SHLD1: variants seen among roughly 807,000 people sequenced by gnomAD.
The protein encoded by SHLD1 is RINN1-REV7-interacting novel NHEJ regulator 3.
A neutral mutation model predicts 5.5 loss-of-function variants in SHLD1; 3 were observed. The ratio of observed to expected loss-of-function variants is 0.54; its 90% CI spans 0.25 to 1.40. The LOEUF is 1.40. SHLD1 is among the 40% of genes most tolerant of loss of function. The probability of loss-of-function intolerance (pLI) is 0.15; values close to 1 mark genes in which losing one functional copy is unlikely to be tolerated. For synonymous variants in SHLD1, 92 were observed against 94.3 expected, an observed-to-expected ratio of 0.98 and a Z score of 0.14; for missense variants, 210 against 244.4, an observed-to-expected ratio of 0.86 and a Z score of 0.94.
At chr20:5,773,924 C>A (rs1985305450) in intron 2 of SHLD1, among the ~76,000 whole-genome samples, 1 of 152,110 alleles carries the variant, frequency 6.6e-6, no homozygotes, top group South Asian at 2.1e-4. Flanking sequence ...ATCCAAATGG[C>A]CGGGTGTGGT....
chr20:5,798,559 C>T (rs2087244602), intron 2 of SHLD1, among the ~76,000 whole-genome samples: 1 of 151,100 alleles, frequency 6.6e-6, no homozygotes, highest in Non-Finnish European at 1.5e-5. Flanking sequence ...GCCTCGGCCT[C>T]CCAAAGTGCT....
chr20:5,754,638 G>T (rs1457297023), intron 1 of SHLD1, among the ~76,000 whole-genome samples: 1 of 152,168 alleles, frequency 6.6e-6, no homozygotes, highest in Non-Finnish European at 1.5e-5. Context: ...ATTACAGCTT[G>T]GTTTTATACA....
chr20:5,848,221 T>C (rs903183410), intron 2 of SHLD1, among the ~76,000 whole-genome samples: 4 of 152,186 alleles, frequency 2.6e-5, no homozygotes, highest in Non-Finnish European at 4.4e-5. Context: ...TGTGTGTATG[T>C]GTGTATATAT....
chr20:5,823,712 T>A (rs2087634248), intron 2 of SHLD1, among the ~76,000 whole-genome samples: 1 of 152,120 alleles, frequency 6.6e-6, no homozygotes, highest in Non-Finnish European at 1.5e-5. Flanking sequence ...CCTCCCACAC[T>A]GTTGGGATTA....
At chr20:5,829,937 G>A (rs1032896684) in intron 2 of SHLD1, among the ~76,000 whole-genome samples, 1 of 152,082 alleles carries the variant, frequency 6.6e-6, no homozygotes, top group Non-Finnish European at 1.5e-5. Context: ...AGATGCAATA[G>A]AATGGTTTGG....
chr20:5,809,145 C>T (rs2087423704), intron 2 of SHLD1, among the ~76,000 whole-genome samples: 1 of 152,018 alleles, frequency 6.6e-6, no homozygotes, highest in Non-Finnish European at 1.5e-5. Context: ...AAACCATGCT[C>T]ATAAGTGATG....
intron 2 of SHLD1, among the ~76,000 whole-genome samples, chr20:5,784,513 C>G (rs576428389): frequency 1.2e-4 from 18 of 151,876 alleles, no homozygotes; most frequent in Non-Finnish European, 2.4e-4. Context: ...TGCAGTGGCG[C>G]GATCTCGGCT....
At chr20:5,856,614 T>A (rs1314123347) in intron 2 of SHLD1, among the ~76,000 whole-genome samples, 1 of 152,226 alleles carries the variant, frequency 6.6e-6, no homozygotes, top group African/African-American at 2.4e-5. Flanking sequence ...ATGGTGAGGC[T>A]TCTGAAGTCT....
intron 2 of SHLD1, among the ~76,000 whole-genome samples, chr20:5,828,572 G>T (rs568311618): frequency 9.5e-4 from 144 of 152,268 alleles, no homozygotes; most frequent in South Asian, 5.8e-3. Flanking sequence ...GTACCAAGAA[G>T]AACAAATTTC....
At chr20:5,844,920 G>A (rs552138865) in intron 2 of SHLD1, among the ~76,000 whole-genome samples, 19 of 150,606 alleles carry the variant, frequency 1.3e-4, no homozygotes, top group African/African-American at 4.4e-4. Flanking sequence ...TCAGCCTCCC[G>A]AGTAGCTGGG....
At chr20:5,836,817 T>C (rs1158157338) in intron 2 of SHLD1, among the ~76,000 whole-genome samples, 2 of 152,124 alleles carry the variant, frequency 1.3e-5, no homozygotes, top group Non-Finnish European at 2.9e-5. Flanking sequence ...ACCCTTAGAT[T>C]TGAACTCACA....
intron 2 of SHLD1, among the ~76,000 whole-genome samples, chr20:5,811,543 A>G (rs1165020095): frequency 6.6e-6 from 1 of 152,088 alleles, no homozygotes; most frequent in Non-Finnish European, 1.5e-5. Flanking sequence ...GGTAGACAAA[A>G]AAAAATGTGT....
At chr20:5,776,847 G>A (rs1048119158) in intron 2 of SHLD1, among the ~76,000 whole-genome samples, 2 of 152,018 alleles carry the variant, frequency 1.3e-5, no homozygotes, top group Non-Finnish European at 2.9e-5. Context: ...GAAGGCTCTG[G>A]GTGTGATAAT....
At chr20:5,802,722 C>CT (rs2087311652) in intron 2 of SHLD1, among the ~76,000 whole-genome samples, 1 of 152,090 alleles carries the variant, frequency 6.6e-6, no homozygotes, top group South Asian at 2.1e-4. Flanking sequence ...TCATGGCTCA[C>CT]TGCAGCCTAG....
intron 2 of SHLD1, among the ~76,000 whole-genome samples, chr20:5,822,734 A>T (rs1395328091): frequency 6.6e-6 from 1 of 151,338 alleles, no homozygotes; most frequent in Non-Finnish European, 1.5e-5. Flanking sequence ...CCCACCGTTA[A>T]CCCCTCACTC....
intron 2 of SHLD1, among the ~76,000 whole-genome samples, chr20:5,823,445 GTTTTTTGT>G (rs200828807): frequency 0.012 from 1,266 of 105,344 alleles, 16 homozygotes; most frequent in Non-Finnish European, 0.023. Flanking sequence ...GTTTTTTGTT[GTTTTTTGT>G]TTTTTTTTTT....
At chr20:5,811,418 G>T (rs73079272) in intron 2 of SHLD1, among the ~76,000 whole-genome samples, 2,168 of 152,188 alleles carry the variant, frequency 0.014, 22 homozygotes, top group African/African-American at 0.024. Context: ...ACAAACCTCA[G>T]GAGTTTTAAT....
intron 1 of SHLD1, among the ~76,000 whole-genome samples, chr20:5,765,526 G>T (rs1413110960): frequency 6.6e-6 from 1 of 151,048 alleles, no homozygotes; most frequent in Non-Finnish European, 1.5e-5. Context: ...GGGATTACAG[G>T]TGTGAGCCAC....
chr20:5,791,772 A>G (rs2087145058), intron 2 of SHLD1, among the ~76,000 whole-genome samples: 1 of 152,142 alleles, frequency 6.6e-6, no homozygotes, highest in Admixed American at 6.6e-5. Flanking sequence ...ATATGTAAAG[A>G]ACTCTCAAAA....
Sources: gnomAD v4.1 joint callset for allele counts (sites outside exome capture counted in the v4.1 genomes callset) on GRCh38, gnomAD v4.1.1 for gene constraint, MANE v1.5 for transcripts, NCBI Gene and HGNC (gene_info 2026-07-23, HGNC 2026-07-21) for gene names.